ZMYM4: variants seen among roughly 807,000 people sequenced by gnomAD.
The protein encoded by ZMYM4 is zinc finger MYM-type containing 4, also known as zinc finger MYM-type protein 4.
In ZMYM4, 31 loss-of-function variants were observed where a neutral mutation model predicts 183.2. The ratio of observed to expected loss-of-function variants is 0.17; its 90% CI spans 0.13 to 0.23. The LOEUF (loss-of-function observed/expected upper bound fraction) is 0.23. Among genes scored for constraint, ZMYM4 ranks in the 10% least tolerant of loss-of-function variants. The probability of loss-of-function intolerance (pLI) is 1.00; values close to 1 mark genes in which losing one functional copy is unlikely to be tolerated. For synonymous variants in ZMYM4, 592 were observed against 631.2 expected (o/e 0.94, Z 0.93); for missense variants, 1,273 against 1,840.3 (o/e 0.69, Z 5.64).
chr1:35,378,913 C>T (rs370363072), intron 7 of ZMYM4, among the ~76,000 whole-genome samples: 7 of 152,160 alleles, frequency 4.6e-5, no homozygotes, highest in African/African-American at 7.2e-5. Context: ...TTCGTTAAAC[C>T]GTATGAGCTA....
In ZMYM4 at chr1:35,359,166, T is replaced by C. The variant is rs750136288; in HGVS notation, c.327T>C (p.Asp109=). ...DNLVSSIHTD[D]SLEVERRVTQ... Reference sequence around the variant, plus strand: ...TTGTTTCTTCAATTCATACTGATGATAGCTTGGAAGTAGAGAGAAGAGTCA... The same window carrying C: ...TTGTTTCTTCAATTCATACTGATGACAGCTTGGAAGTAGAGAGAAGAGTCA... Residue 109 remains aspartate (D), a synonymous_variant, in exon 3 of 30, where the codon GAT becomes GAC. Coordinates refer to ENST00000314607, the MANE Select transcript of ZMYM4 (RefSeq NM_005095.3). The C allele has an allele frequency of 3.7e-6, 6 of 1,613,526 alleles. No individual in the cohort carries two copies. The highest frequency in any genetic ancestry group is 5.1e-6 in the Non-Finnish European group (6 of 1,179,716).
At chr1:35,344,456 T>C (rs1643318384) in intron 2 of ZMYM4, among the ~76,000 whole-genome samples, 1 of 152,148 alleles carries the variant, frequency 6.6e-6, no homozygotes, top group African/African-American at 2.4e-5. Flanking sequence ...AACTGTTAAG[T>C]AGGTCATGAG....
intron 2 of ZMYM4, among the ~76,000 whole-genome samples, chr1:35,330,258 A>G (rs1490180920): frequency 5.3e-5 from 8 of 151,994 alleles, no homozygotes; most frequent in East Asian, 3.8e-4. Context: ...GGGAGGGAGG[A>G]AGGATAAGGA....
Position 35,389,023 on chromosome 1 carries a change from A to G in ZMYM4, c.2377A>G (p.Lys793Glu). ...ATTGGTACAGAATAATTTAGGAGGGAAAGTGGAAGAGTTCTGTTGTGAAGA... is the reference window on the plus strand; with the variant it reads ...ATTGGTACAGAATAATTTAGGAGGGGAAGTGGAAGAGTTCTGTTGTGAAGA... ...PKLVQNNLGG[K>E]VEEFCCEECM... The change falls in exon 14 of 30, where the codon AAA becomes GAA. Residue 793 changes from lysine to glutamate, a missense_variant. This residue lies in a region of ZMYM4 where 319 missense variants were observed against 518.1 expected (regional missense o/e 0.62). Coordinates refer to ENST00000314607, the MANE Select transcript of ZMYM4 (RefSeq NM_005095.3). The surrounding 1 kb of genome is among the most constrained non-coding windows in gnomAD (Gnocchi z 4.0). 1.9e-6 allele frequency: 3 copies of G among 1,614,130 alleles called. No individual in the cohort carries two copies. Among genetic ancestry groups the G allele is most frequent in the Non-Finnish European group, 2.5e-6 (3 of 1,180,006 alleles).
chr1:35,326,441 A>G (rs2148823062), intron 2 of ZMYM4, among the ~76,000 whole-genome samples: 1 of 152,332 alleles, frequency 6.6e-6, no homozygotes, highest in African/African-American at 2.4e-5. Context: ...AGCACCTCCT[A>G]CCACCATGCA....
At chr1:35,392,859 T>G (rs1236171348) in intron 17 of ZMYM4, among the ~76,000 whole-genome samples, 175 bp downstream of exon 17, 1 of 152,200 alleles carries the variant, frequency 6.6e-6, no homozygotes, top group African/African-American at 2.4e-5. Flanking sequence ...AGGTCTTTTA[T>G]GTACTTTAAT....
In ZMYM4 at chr1:35,387,539, A is replaced by G. The variant is rs200258906; in HGVS notation, c.2198A>G (p.Lys733Arg). Residue 733 changes from lysine to arginine, a missense_variant, in exon 13 of 30, where the codon AAA (lysine) becomes AGA (arginine). Lys to Arg is a conservative substitution (Grantham distance 26). Transcript: ENST00000314607. ...NNVMAMCEYCKIEKIVKETVR... is the reference protein window; with the variant it reads ...NNVMAMCEYCRIEKIVKETVR... ...GTAATGGCAATGTGTGAATATTGTA[A>G]AATTGAGAAAATTGTAAAGGAGACT... is the stretch of plus-strand genomic sequence containing the variant. The G allele has an allele frequency of 4.6e-5, 75 of 1,613,926 alleles. No individual in the cohort carries two copies. In the East Asian group the frequency reaches 6.5e-4, roughly 14 times the overall value.
At chr1:35,399,183 A>G in intron 22 of ZMYM4, 140 bp downstream of exon 22, 1 of 935,144 alleles carries the variant, frequency 1.1e-6, no homozygotes, top group Non-Finnish European at 1.6e-6. Flanking sequence ...TAGAGCACAA[A>G]TAGACCCTGG....
chr1:35,390,140 ACTAGGAACTACTGTT>A (rs1296496637), intron 15 of ZMYM4, 42 bp downstream of exon 15: 7 of 1,579,166 alleles, frequency 4.4e-6, no homozygotes, highest in Non-Finnish European at 6.0e-6. Context: ...TTTGGTCAAT[ACTAGGAACTACTGTT>A]CTTTTACAGA....
Position 35,397,165 on chromosome 1 carries a change from C to T in ZMYM4, c.3031-212C>T, listed in dbSNP as rs113175538. On this transcript the variant is annotated intron_variant, in intron 19 of 29. Coordinates refer to ENST00000314607, the MANE Select transcript of ZMYM4 (RefSeq NM_005095.3). ...ATTATTCTTTTAGAGGATTCAGAGA[C>T]ATAATTGGTTGAGTGTCCAAAGCAC... The T allele has an allele frequency of 5.0e-5, 56 of 1,111,364 alleles. 3 individuals carry two copies. The highest frequency in any genetic ancestry group is 5.0e-4 in the African/African-American group (31 of 61,980). The allele number at this position is 1,111,364 out of a possible 1,614,324, so 68.8% of individuals were successfully genotyped here.
Position 35,273,546 on chromosome 1 carries a change from C to T in ZMYM4, c.39+4461C>T, listed in dbSNP as rs1480905018. 5.3e-5 allele frequency among the ~76,000 whole-genome samples: 8 copies of T among 152,066 alleles called. No homozygotes were observed. In the South Asian group the frequency reaches 8.3e-4, roughly 16 times the overall value. On this transcript the variant is annotated intron_variant, in intron 1 of 29. Coordinates refer to ENST00000314607, the MANE Select transcript of ZMYM4 (RefSeq NM_005095.3). Reference sequence around the variant, plus strand: ...AACTTTTGTAAATGTAAATATTACCCGGTCTAGTAAATTGTATTCATTTTC... The same window carrying T: ...AACTTTTGTAAATGTAAATATTACCTGGTCTAGTAAATTGTATTCATTTTC...
intron 1 of ZMYM4, among the ~76,000 whole-genome samples, chr1:35,272,886 C>G (rs889622924): frequency 2.6e-5 from 4 of 151,894 alleles, no homozygotes; most frequent in African/African-American, 9.7e-5. Flanking sequence ...TTTTTTGTTT[C>G]TGTATTTTTA....
intron 2 of ZMYM4, among the ~76,000 whole-genome samples, chr1:35,355,200 C>CTTCT (rs1643775894): frequency 1.3e-5 from 1 of 77,176 alleles, no homozygotes; most frequent in Admixed American, 1.3e-4. Flanking sequence ...CGCCTGGCTT[C>CTTCT]TTTTTTTTTT....
Position 35,398,454 on chromosome 1 carries a change from A to G in ZMYM4, c.3241A>G (p.Ile1081Val). ...SEHELFLDTK[I>V]FEKDQGSTYS... ...ACACGAACTCTTTCTAGACACCAAG[A>G]TATTTGAAAAAGGTTTGTAGTTGAA... Residue 1081 changes from isoleucine (I) to valine (V), a missense_variant, in exon 21 of 30, where the codon ATA (isoleucine) becomes GTA (valine). This residue lies in a region of ZMYM4 where 290 missense variants were observed against 353.3 expected (regional missense o/e 0.82). Coordinates refer to ENST00000314607, the MANE Select transcript of ZMYM4 (RefSeq NM_005095.3). The G allele has an allele frequency of 1.2e-6, 2 of 1,612,126 alleles. No homozygotes were observed. Among genetic ancestry groups the G allele is most frequent in the African/African-American group, 1.3e-5 (1 of 74,924 alleles).
intron 9 of ZMYM4, among the ~76,000 whole-genome samples, 198 bp from the exon 10 acceptor site, chr1:35,385,244 A>C (rs1225467080): frequency 6.6e-6 from 1 of 152,244 alleles, no homozygotes; most frequent in Non-Finnish European, 1.5e-5. Flanking sequence ...TAGTTTTATT[A>C]CATACATGCA....
rs115424038 is a variant in ZMYM4, at chr1:35,298,666, G to A, written c.40-26694G>A. 6.8e-3 allele frequency among the ~76,000 whole-genome samples: 1,037 copies of A among 152,220 alleles called. 26 individuals are homozygous for A. In the East Asian group the frequency reaches 0.069, roughly 10 times the overall value. ...CACAACACCTCCACTGGAGCAAGCC[G>A]GCTAGAGAACAGTGTTAACAGGAAG... On this transcript the variant is annotated intron_variant, in intron 1 of 29. Transcript: ENST00000314607.
intron 1 of ZMYM4, among the ~76,000 whole-genome samples, chr1:35,273,750 A>G (rs1639731032): frequency 6.6e-6 from 1 of 152,184 alleles, no homozygotes; most frequent in Non-Finnish European, 1.5e-5. Context: ...GAACTTAGAG[A>G]AAATTGTGGA....
At chr1:35,377,743 TAGAC>T (rs376511453) in intron 7 of ZMYM4, among the ~76,000 whole-genome samples, 114 of 152,358 alleles carry the variant, frequency 7.5e-4, no homozygotes, top group East Asian at 5.8e-3. Context: ...TTATTACTAA[TAGAC>T]AGTCTTGTTT....
intron 23 of ZMYM4, among the ~76,000 whole-genome samples, chr1:35,403,998 T>C (rs1466735980): frequency 6.6e-6 from 1 of 152,232 alleles, no homozygotes. Flanking sequence ...CCTCCCAAAG[T>C]GTTGGGATTA....
Sources: gnomAD v4.1 joint callset for allele counts (sites outside exome capture counted in the v4.1 genomes callset) on GRCh38, gnomAD v4.1.1 for gene constraint, gnomAD v4.1.1 regional missense constraint, Gnocchi (gnomAD v3.1) non-coding constraint, MANE v1.5 for transcripts, NCBI Gene and HGNC (gene_info 2026-07-23, HGNC 2026-07-21) for gene names.